Variants in RUSC1 observed in about 807,000 individuals in gnomAD.
RUSC1 encodes RUN and SH3 domain containing 1, also known as AP-4 complex accessory subunit RUSC1.
RUSC1 carries 40 observed loss-of-function variants against 72.1 expected under a neutral mutation model. That is an observed-to-expected ratio of 0.55 (90% CI 0.43 to 0.72). The LOEUF is 0.72. Ranked by LOEUF, RUSC1 falls within the 30% of genes least tolerant of loss-of-function variation. RUSC1 has a pLI of 0.00. For synonymous variants in RUSC1, 512 were observed against 494.2 expected (o/e 1.04, Z -0.48); for missense variants, 1,092 against 1,172.3 (o/e 0.93, Z 1.00).
At position 155,322,331 on chromosome 1, in the gene RUSC1, C is replaced by T; in HGVS notation, c.558C>T (p.Thr186=). 1 of 1,612,566 alleles carries T rather than the reference C, an allele frequency of 6.2e-7. No homozygotes were observed. The highest frequency in any genetic ancestry group is 8.5e-7 in the Non-Finnish European group (1 of 1,178,768). ...PGLDSNCNAL[T]TCQDVPSPGL... Reference sequence around the variant, plus strand: ...TGGACTCGAACTGCAACGCCCTGACCACCTGCCAGGACGTCCCTTCCCCAG... The same window carrying T: ...TGGACTCGAACTGCAACGCCCTGACTACCTGCCAGGACGTCCCTTCCCCAG... Residue 186 remains threonine, a synonymous_variant, in exon 2 of 10, where the codon ACC becomes ACT. Coordinates refer to ENST00000368352, the MANE Select transcript of RUSC1 (RefSeq NM_001105203.2).
chr1:155,321,021 C>A (rs1557986689), intron 1 of RUSC1, 30 bp downstream of exon 1: 1 of 1,492,450 alleles, frequency 6.7e-7, no homozygotes, highest in South Asian at 1.1e-5. Flanking sequence ...TGGGTGTAGA[C>A]CGATGGACCT....
chr1:155,324,903 A>C lies in RUSC1; in HGVS notation c.1416A>C (p.Glu472Asp), dbSNP rs767597338. Reference protein sequence around the residue: ...VPGAQRLWMAEAQSGTGQLQE... With the variant: ...VPGAQRLWMADAQSGTGQLQE... Reference sequence around the variant, plus strand: ...GAGCCCAGCGGCTGTGGATGGCAGAAGCCCAGAGTGGGACTGGTCAGCTGC... The same window carrying C: ...GAGCCCAGCGGCTGTGGATGGCAGACGCCCAGAGTGGGACTGGTCAGCTGC... The change falls in exon 3 of 10, where the codon GAA becomes GAC. Residue 472 changes from glutamate to aspartate, a missense_variant. Transcript: ENST00000368352. 1.2e-6 allele frequency: 2 copies of C among 1,614,114 alleles called. No individual in the cohort carries two copies. Among genetic ancestry groups the C allele is most frequent in the African/African-American group, 2.7e-5 (2 of 74,950 alleles).
chr1:155,322,891 A>G lies in RUSC1; in HGVS notation c.1118A>G (p.Glu373Gly). The G allele has an allele frequency of 6.2e-7, 1 of 1,610,098 alleles. No individual in the cohort carries two copies. The highest frequency in any genetic ancestry group is 8.5e-7 in the Non-Finnish European group (1 of 1,178,744). Residue 373 changes from glutamate (E) to glycine (G), a missense_variant, in exon 2 of 10, where the codon GAA (glutamate) becomes GGA (glycine). Glu to Gly is a moderately conservative substitution (Grantham distance 98, BLOSUM62 -2). Transcript: ENST00000368352. ...APPREVTTFK[E>G]LRSRSRAPAP... Reference sequence around the variant, plus strand: ...CCTCGGGAAGTCACCACCTTCAAGGAACTCCGGTCCCGAAGCCGGGCCCCA... The same window carrying G: ...CCTCGGGAAGTCACCACCTTCAAGGGACTCCGGTCCCGAAGCCGGGCCCCA...
In RUSC1 at chr1:155,325,054, G is replaced by A. The variant is rs766655178; in HGVS notation, c.1457-48G>A. On this transcript the variant is annotated intron_variant, in intron 3 of 9. Transcript: ENST00000368352. This position sits in a 1 kb window ranked among gnomAD's most constrained non-coding sequence, Gnocchi z 6.5. ...CTCTCCACGCCCCTCGGGCAAGCCT[G>A]GGTAGGGGCGCGGCCTCCTAGCGTC... The A allele has an allele frequency of 6.2e-6, 10 of 1,614,036 alleles. No individual in the cohort carries two copies. Among genetic ancestry groups the A allele is most frequent in the South Asian group, 3.3e-5 (3 of 91,092 alleles).
In RUSC1 at chr1:155,322,439, T is replaced by C. The variant is rs772821796; in HGVS notation, c.666T>C (p.Ala222=). 2 of 1,614,076 alleles carry C rather than the reference T, an allele frequency of 1.2e-6. No individual in the cohort carries two copies. The highest frequency in any genetic ancestry group is 2.2e-5 in the East Asian group (1 of 44,872). ...LLEADDGKID[A]GKTEPSWKIN... is the part of the protein sequence containing the mutation. Reference sequence around the variant, plus strand: ...AGGCGGATGATGGGAAAATCGACGCTGGGAAAACGGAGCCCAGTTGGAAGA... The same window carrying C: ...AGGCGGATGATGGGAAAATCGACGCCGGGAAAACGGAGCCCAGTTGGAAGA... The change falls in exon 2 of 10, where the codon GCT becomes GCC. Residue 222 remains alanine, a synonymous_variant. Transcript: ENST00000368352.
At chr1:155,321,410 G>T in intron 1 of RUSC1, 1 of 1,396,450 alleles carries the variant, frequency 7.2e-7, no homozygotes, top group Non-Finnish European at 9.6e-7. Context: ...GTCCATTCTG[G>T]GCCCGGACCT....
chr1:155,330,667 A>G lies in RUSC1; in HGVS notation c.*96A>G, dbSNP rs765611707. Reference sequence around the variant, plus strand: ...CCCAGAAGCATTTTCCCTCTGCAAAATGACGTTTCTTCCCACGTCTGTTTC... The same window carrying G: ...CCCAGAAGCATTTTCCCTCTGCAAAGTGACGTTTCTTCCCACGTCTGTTTC... On this transcript the variant is annotated 3_prime_UTR_variant, in exon 10 of 10. Coordinates refer to ENST00000368352, the MANE Select transcript of RUSC1 (RefSeq NM_001105203.2). The G allele has an allele frequency of 4.0e-6, 5 of 1,239,036 alleles. No individual in the cohort carries two copies. The highest frequency in any genetic ancestry group is 3.1e-5 in the African/African-American group (2 of 64,658). 76.8% of individuals were successfully genotyped at this position (1,239,036 alleles called of 1,614,324 possible). A position where few individuals can be genotyped will look rare whatever the true frequency, so the allele number is the denominator to read the frequency against.
chr1:155,330,177 G>A (rs1220638139), intron 9 of RUSC1, among the ~76,000 whole-genome samples: 2 of 152,122 alleles, frequency 1.3e-5, no homozygotes, highest in Non-Finnish European at 2.9e-5. Flanking sequence ...GCACCATTGA[G>A]AAGTGCAAAT....
In RUSC1 at chr1:155,325,585, T is replaced by A; in HGVS notation, c.1727T>A (p.Leu576His). ...SVKPGSSTRS[L>H]GTLYSQVSRL... ...TTCTCAGGCTCCAGCACCCGCTCCCTTGGAACCCTGTATAGCCAGGTCAGC... is the reference window on the plus strand; with the variant it reads ...TTCTCAGGCTCCAGCACCCGCTCCCATGGAACCCTGTATAGCCAGGTCAGC... The change falls in exon 6 of 10, where the codon CTT becomes CAT. Residue 576 changes from leucine (L) to histidine (H), a missense_variant. Coordinates refer to ENST00000368352, the MANE Select transcript of RUSC1 (RefSeq NM_001105203.2). This position sits in a 1 kb window ranked among gnomAD's most constrained non-coding sequence, Gnocchi z 6.5. 2.5e-6 allele frequency: 4 copies of A among 1,611,394 alleles called. No homozygotes were observed. Among genetic ancestry groups the A allele is most frequent in the Non-Finnish European group, 1.7e-6 (2 of 1,179,962 alleles).
chr1:155,325,493 G>A lies in RUSC1; in HGVS notation c.1708+3G>A. Reference sequence around the variant, plus strand: ...GGTGGAGGCGTCGGTGAAGCCAGGTGAGCCAGGAGGGCGTGGGACCCGGCA... The same window carrying A: ...GGTGGAGGCGTCGGTGAAGCCAGGTAAGCCAGGAGGGCGTGGGACCCGGCA... On this transcript the variant is annotated splice_donor_region_variant and intron_variant, in intron 5 of 9. Coordinates refer to ENST00000368352, the MANE Select transcript of RUSC1 (RefSeq NM_001105203.2). This position sits in a 1 kb window ranked among gnomAD's most constrained non-coding sequence, Gnocchi z 6.5. 3.1e-6 allele frequency: 5 copies of A among 1,597,284 alleles called. No individual in the cohort carries two copies. Among genetic ancestry groups the A allele is most frequent in the South Asian group, 1.1e-5 (1 of 90,380 alleles).
At position 155,330,519 on chromosome 1, in the gene RUSC1, G is replaced by C. The variant is rs766707526; in HGVS notation, c.2657G>C (p.Arg886Pro). 6 of 1,613,542 alleles carry C rather than the reference G, an allele frequency of 3.7e-6. No individual in the cohort carries two copies. Among genetic ancestry groups the C allele is most frequent in the Non-Finnish European group, 5.1e-6 (6 of 1,179,758 alleles). The change falls in exon 10 of 10, where the codon CGG (arginine) becomes CCG (proline). Residue 886 changes from arginine (R) to proline (P), a missense_variant. Coordinates refer to ENST00000368352, the MANE Select transcript of RUSC1 (RefSeq NM_001105203.2). Reference protein sequence around the residue: ...TVDEDWLRCGRDGMEGLVPVG... With the variant: ...TVDEDWLRCGPDGMEGLVPVG... ...GATGAGGACTGGCTCCGCTGTGGGC[G>C]GGATGGCATGGAGGGTCTGGTGCCT...
Position 155,321,850 on chromosome 1 carries a change from T to C in RUSC1, c.77T>C (p.Leu26Ser). The change falls in exon 2 of 10, where the codon TTG becomes TCG. Residue 26 changes from leucine to serine, a missense_variant. Physicochemically the swap from Leu to Ser is moderately radical, Grantham distance 145. Transcript: ENST00000368352. ...HLQHVSLGLH[L>S]SRRPELQEGP... Reference sequence around the variant, plus strand: ...CAGCACGTCTCCCTGGGCCTGCACTTGTCCCGCCGTCCTGAGCTACAGGAG... The same window carrying C: ...CAGCACGTCTCCCTGGGCCTGCACTCGTCCCGCCGTCCTGAGCTACAGGAG... The C allele has an allele frequency of 6.2e-7, 1 of 1,613,876 alleles. No individual in the cohort carries two copies. The highest frequency in any genetic ancestry group is 8.5e-7 in the Non-Finnish European group (1 of 1,180,016).
rs751785225 is a variant in RUSC1 at position 155,322,772 on chromosome 1, G to T, written c.999G>T (p.Pro333=). 2.0e-5 allele frequency: 32 copies of T among 1,613,464 alleles called. No homozygotes were observed. The highest frequency in any genetic ancestry group is 2.5e-5 in the Non-Finnish European group (30 of 1,179,644). ...RKRGPGLPLV[P]QAKKDRSDWL... is the part of the protein sequence containing the mutation. ...GGGGCCCAGGGCTGCCCCTTGTCCC[G>T]CAGGCGAAGAAAGATCGCAGTGACT... Residue 333 remains proline (P), a synonymous_variant, in exon 2 of 10, where the codon CCG becomes CCT. Coordinates refer to ENST00000368352, the MANE Select transcript of RUSC1 (RefSeq NM_001105203.2).
chr1:155,321,492 C>T (rs754130933), intron 1 of RUSC1, 196 bp from the exon 2 acceptor site: 8 of 1,481,332 alleles, frequency 5.4e-6, no homozygotes, highest in East Asian at 2.9e-5. Context: ...GCTCCATTCC[C>T]GGGGGGTTAC....
In RUSC1 at chr1:155,322,312, C is replaced by T. The variant is rs572151667; in HGVS notation, c.539C>T (p.Ser180Leu). The T allele has an allele frequency of 1.1e-5, 17 of 1,611,202 alleles. No homozygotes were observed. In the African/African-American group the frequency reaches 1.2e-4, roughly 11 times the overall value. The stretch of plus-strand genomic sequence containing the variant: ...TCTTCACCCGATCCTGGCCTGGACT[C>T]GAACTGCAACGCCCTGACCACCTGC... ...ASSSPDPGLD[S>L]NCNALTTCQD... Residue 180 changes from serine to leucine, a missense_variant, in exon 2 of 10, where the codon TCG becomes TTG. Physicochemically the swap from Ser to Leu is moderately radical, Grantham distance 145. Coordinates refer to ENST00000368352, the MANE Select transcript of RUSC1 (RefSeq NM_001105203.2).
rs139887694 is a variant in RUSC1 at position 155,326,516 on chromosome 1, G to T, written c.1862-64G>T. 3.4e-3 allele frequency: 5,182 copies of T among 1,512,012 alleles called. 74 individuals carry two copies. The highest frequency in any genetic ancestry group is 1.9e-3 in the Non-Finnish European group (2,104 of 1,114,020). 93.7% of individuals were successfully genotyped at this position (1,512,012 alleles called of 1,614,324 possible). On this transcript the variant is annotated intron_variant, in intron 7 of 9. Coordinates refer to ENST00000368352, the MANE Select transcript of RUSC1 (RefSeq NM_001105203.2). The surrounding 1 kb of genome is among the most constrained non-coding windows in gnomAD (Gnocchi z 4.7). ...GAAGATGTGTGCTGACTGGTGGGCTGCTCTGGGGGGTCTTCTGGGACTAGG... is the reference window on the plus strand; with the variant it reads ...GAAGATGTGTGCTGACTGGTGGGCTTCTCTGGGGGGTCTTCTGGGACTAGG...
rs762416605 is a variant in RUSC1 at position 155,330,410 on chromosome 1, C to T, written c.2548C>T (p.Arg850Trp). 16 of 1,612,482 alleles carry T rather than the reference C, an allele frequency of 9.9e-6. No individual in the cohort carries two copies. Among genetic ancestry groups the T allele is most frequent in the Non-Finnish European group, 2.5e-6 (3 of 1,180,028 alleles). Residue 850 changes from arginine to tryptophan, a missense_variant, in exon 10 of 10, where the codon CGG (arginine) becomes TGG (tryptophan). Arg to Trp is a moderately radical substitution (Grantham distance 101). Transcript: ENST00000368352. ...PRMVQTHRAV[R>W]ALCDHTAARP... Reference sequence around the variant, plus strand: ...TCCTCTGGCTCCCCTCAGGGCAGTGCGGGCTCTCTGTGATCACACTGCTGC... The same window carrying T: ...TCCTCTGGCTCCCCTCAGGGCAGTGTGGGCTCTCTGTGATCACACTGCTGC...
chr1:155,321,835 C>T lies in RUSC1; in HGVS notation c.62C>T (p.Ser21Phe), dbSNP rs1650570193. 6.2e-7 allele frequency: 1 copy of T among 1,613,996 alleles called. No individual in the cohort carries two copies. The highest frequency in any genetic ancestry group is 8.5e-7 in the Non-Finnish European group (1 of 1,180,032). Residue 21 changes from serine to phenylalanine, a missense_variant, in exon 2 of 10, where the codon TCC becomes TTC. Transcript: ENST00000368352. The stretch of plus-strand genomic sequence containing the variant: ...AACCACATCCACCTCCAGCACGTCT[C>T]CCTGGGCCTGCACTTGTCCCGCCGT... ...NLNHIHLQHV[S>F]LGLHLSRRPE...
Position 155,326,328 on chromosome 1 carries a change from GTCC to G in RUSC1, c.1862-243_1862-241del, listed in dbSNP as rs1651405079. ...TTGTATGTGCTTCTATGGCTCTCCTGTCCTCCTCCTCTGTAGCCTTTGCACTGT... is the reference window on the plus strand; with the variant it reads ...TTGTATGTGCTTCTATGGCTCTCCTGTCCTCCTCTGTAGCCTTTGCACTGT... On this transcript the variant is annotated intron_variant, in intron 7 of 9. Coordinates refer to ENST00000368352, the MANE Select transcript of RUSC1 (RefSeq NM_001105203.2). This position sits in a 1 kb window ranked among gnomAD's most constrained non-coding sequence, Gnocchi z 4.7. 8 of 570,060 alleles carry G rather than the reference GTCC, an allele frequency of 1.4e-5. No individual in the cohort carries two copies. Among genetic ancestry groups the G allele is most frequent in the Admixed American group, 9.4e-5 (3 of 32,074 alleles). 35.3% of individuals were successfully genotyped at this position (570,060 alleles called of 1,614,324 possible). A position where few individuals can be genotyped will look rare whatever the true frequency, so the allele number is the denominator to read the frequency against.
Sources: gnomAD v4.1 joint callset for allele counts (sites outside exome capture counted in the v4.1 genomes callset) on GRCh38, gnomAD v4.1.1 for gene constraint, Gnocchi (gnomAD v3.1) non-coding constraint, MANE v1.5 for transcripts, NCBI Gene and HGNC (gene_info 2026-07-23, HGNC 2026-07-21) for gene names.